Variants in PRP4K observed in about 807,000 individuals in gnomAD.
The protein encoded by PRP4K is serine/threonine-protein kinase PRP4 homolog.
the PRP4K span, among the ~76,000 whole-genome samples, chr6:4,047,992 A>C: frequency 6.6e-6 from 1 of 151,726 alleles, no homozygotes; most frequent in Admixed American, 6.6e-5. Context: ...AGAGGATGAA[A>C]TGAGTATTGA....
the PRP4K span, chr6:4,058,660 A>C: frequency 2.8e-5 from 29 of 1,020,544 alleles, no homozygotes; most frequent in Non-Finnish European, 4.4e-5. Flanking sequence ...CTTATTGTAT[A>C]TTAATTAAAT....
the PRP4K span, among the ~76,000 whole-genome samples, chr6:4,046,220 C>T: frequency 1.3e-5 from 2 of 152,298 alleles, no homozygotes; most frequent in South Asian, 4.1e-4. Flanking sequence ...TACCAAATTC[C>T]ACTCTTTTAT....
At chr6:4,029,649 G>C in the PRP4K span, among the ~76,000 whole-genome samples, 3 of 151,984 alleles carry the variant, frequency 2.0e-5, no homozygotes, top group Non-Finnish European at 4.4e-5. Context: ...CATTGTGCCT[G>C]GGCCAACCTT....
chr6:4,021,514 C>T, the PRP4K span: 1 of 1,560,124 alleles, frequency 6.4e-7, no homozygotes, highest in South Asian at 1.2e-5. Flanking sequence ...CGGGGACTGC[C>T]GAGTGGGAGC....
the PRP4K span, among the ~76,000 whole-genome samples, chr6:4,032,915 A>G: frequency 6.6e-6 from 1 of 152,238 alleles, no homozygotes; most frequent in Non-Finnish European, 1.5e-5. Context: ...TCCATTAACC[A>G]TGTTAATATT....
At chr6:4,048,347 C>T in the PRP4K span, among the ~76,000 whole-genome samples, 1 of 148,004 alleles carries the variant, frequency 6.8e-6, no homozygotes, top group Non-Finnish European at 1.5e-5. Context: ...CCACTGCACT[C>T]CAGCCTGGGC....
chr6:4,048,556 CT>C, the PRP4K span, among the ~76,000 whole-genome samples: 2 of 151,822 alleles, frequency 1.3e-5, no homozygotes, highest in Non-Finnish European at 2.9e-5. Context: ...GAGTTATTTT[CT>C]TTTTTTTCTC....
At chr6:4,061,341 G>T in the PRP4K span, 1 of 152,682 alleles carries the variant, frequency 6.5e-6, no homozygotes, top group Admixed American at 6.5e-5. Flanking sequence ...GGAAGAGAAC[G>T]CGCTTGATGG....
the PRP4K span, chr6:4,037,459 A>G: frequency 6.2e-7 from 1 of 1,614,130 alleles, no homozygotes; most frequent in Non-Finnish European, 8.5e-7. Flanking sequence ...AGCCCCATCA[A>G]TAGATGGTCT....
At chr6:4,030,401 T>TA in the PRP4K span, among the ~76,000 whole-genome samples, 1 of 152,160 alleles carries the variant, frequency 6.6e-6, no homozygotes, top group Non-Finnish European at 1.5e-5. Flanking sequence ...CCTGACAAAA[T>TA]AATCCATAGC....
At chr6:4,030,351 G>A in the PRP4K span, among the ~76,000 whole-genome samples, 3 of 152,230 alleles carry the variant, frequency 2.0e-5, no homozygotes, top group East Asian at 5.8e-4. Flanking sequence ...AGGTTGCAAG[G>A]ATAAACTTAC....
chr6:4,027,599 G>GT, the PRP4K span, among the ~76,000 whole-genome samples: 1 of 99,220 alleles, frequency 1.0e-5, no homozygotes, highest in African/African-American at 3.7e-5. Flanking sequence ...TGGCGGAGGG[G>GT]TGGGGGGGTG....
At chr6:4,031,691 A>G in the PRP4K span, 12 of 1,605,078 alleles carry the variant, frequency 7.5e-6, no homozygotes, top group Admixed American at 2.0e-4. Context: ...AGAAACATAA[A>G]CATTCCTCAG....
At chr6:4,037,463 A>G in the PRP4K span, 1 of 1,614,100 alleles carries the variant, frequency 6.2e-7, no homozygotes, top group African/African-American at 1.3e-5. Flanking sequence ...CCATCAATAG[A>G]TGGTCTCCAA....
chr6:4,044,099 G>A, the PRP4K span: 1 of 1,391,244 alleles, frequency 7.2e-7, no homozygotes, highest in African/African-American at 1.5e-5. Flanking sequence ...GACGTTATTT[G>A]GGGTGGGATT....
At chr6:4,024,431 A>C in the PRP4K span, among the ~76,000 whole-genome samples, 2 of 152,204 alleles carry the variant, frequency 1.3e-5, no homozygotes, top group Admixed American at 1.3e-4. Context: ...GCCACTAAAA[A>C]AAAATTTAAA....
At chr6:4,040,824 G>C in the PRP4K span, 3 of 1,613,884 alleles carry the variant, frequency 1.9e-6, no homozygotes, top group Non-Finnish European at 2.5e-6. Flanking sequence ...TCGATCACGC[G>C]GTGGTCGTAG....
chr6:4,026,904 A>G, the PRP4K span, among the ~76,000 whole-genome samples: 1 of 152,186 alleles, frequency 6.6e-6, no homozygotes, highest in South Asian at 2.1e-4. Flanking sequence ...AAGGTAGGCC[A>G]AGGTAGCCAG....
the PRP4K span, chr6:4,032,820 A>G: frequency 7.6e-5 from 107 of 1,413,978 alleles, no homozygotes; most frequent in Middle Eastern, 1.3e-3. Flanking sequence ...GAAAACTAGA[A>G]CTTGTGGACC....
Sources: gnomAD v4.1 joint callset for allele counts (sites outside exome capture counted in the v4.1 genomes callset) on GRCh38, gnomAD v4.1.1 for gene constraint, MANE v1.5 for transcripts, NCBI Gene and HGNC (gene_info 2026-07-23, HGNC 2026-07-21) for gene names.